The following GNG7 variants were observed in gnomAD, a reference collection of about 807,000 sequenced individuals.
GNG7 encodes the protein G protein subunit gamma 7.
In GNG7, 1 loss-of-function variant was observed where a neutral mutation model predicts 4.0. That is an observed-to-expected ratio of 0.25 (90% CI 0.09 to 1.18). GNG7 has a LOEUF of 1.18. Among genes scored for constraint, GNG7 ranks in the 50% most tolerant of loss-of-function variants. The pLI, the probability that GNG7 is intolerant of heterozygous loss-of-function variation, is 0.50. For synonymous variants in GNG7, 34 were observed against 36.9 expected (o/e 0.92, Z 0.29); for missense variants, 86 against 91.9 (o/e 0.94, Z 0.26).
In GNG7 at chr19:2,532,851, G is replaced by A. The variant is rs1978637913; in HGVS notation, c.-37-12126C>T. ...GGCATCATCCATTACTGACAGGAAT[G>A]TGAAATAGTACAACCACCATGGAAA... On this transcript the variant is annotated intron_variant, in intron 3 of 4. Coordinates refer to ENST00000382159, the MANE Select transcript of GNG7 (RefSeq NM_052847.3). 5.9e-5 allele frequency among the ~76,000 whole-genome samples: 9 copies of A among 152,320 alleles called. No individual in the cohort carries two copies. In the South Asian group the frequency reaches 1.9e-3, roughly 32 times the overall value.
chr19:2,520,527 C>A, intron 4 of GNG7, 81 bp downstream of exon 4: 2 of 754,298 alleles, frequency 2.7e-6, no homozygotes, highest in South Asian at 1.5e-5. Context: ...AGCCTCTGCC[C>A]TCCTGCCGAG....
At chr19:2,565,248 A>C (rs1979865192) in intron 2 of GNG7, among the ~76,000 whole-genome samples, 1 of 152,030 alleles carries the variant, frequency 6.6e-6, no homozygotes, top group African/African-American at 2.4e-5. Flanking sequence ...GCGGTGGCTC[A>C]CACCTGTCAT....
chr19:2,661,796 A>C (rs1983187919), intron 1 of GNG7, among the ~76,000 whole-genome samples: 1 of 152,104 alleles, frequency 6.6e-6, no homozygotes, highest in African/African-American at 2.4e-5. Flanking sequence ...CAACAGCCAC[A>C]TGAGGGCGCC....
rs1913376960 is a variant in GNG7 at position 2,700,546 on chromosome 19, A to G, written c.-135+2100T>C. On this transcript the variant is annotated intron_variant, in intron 1 of 4. Coordinates refer to ENST00000382159, the MANE Select transcript of GNG7 (RefSeq NM_052847.3). The stretch of plus-strand genomic sequence containing the variant: ...GTCACTTCCTTTCCTCTCCTCTGTG[A>G]CAACCCAGTCATCCCACTCCTCCAT... 3 of 152,296 alleles carry G rather than the reference A, an allele frequency of 2.0e-5. No homozygotes were observed. In the South Asian group the frequency reaches 6.2e-4, roughly 32 times the overall value. 9.4% of individuals were successfully genotyped at this position (152,296 alleles called of 1,614,324 possible). A position where few individuals can be genotyped will look rare whatever the true frequency, so the allele number is the denominator to read the frequency against.
chr19:2,662,060 G>C (rs937198009), intron 1 of GNG7, among the ~76,000 whole-genome samples: 6 of 152,088 alleles, frequency 3.9e-5, no homozygotes, highest in Admixed American at 2.6e-4. Flanking sequence ...AGGAGTTTGA[G>C]ACCAGCGTGA....
chr19:2,538,460 CAAAA>C (rs397859757), intron 3 of GNG7: 765 of 178,922 alleles, frequency 4.3e-3, no homozygotes, highest in South Asian at 7.1e-3. Flanking sequence ...CCCGTCTCTG[CAAAA>C]AAAAAAAAAA....
chr19:2,545,948 C>T (rs1979109859), intron 3 of GNG7, among the ~76,000 whole-genome samples: 1 of 144,196 alleles, frequency 6.9e-6, no homozygotes, highest in African/African-American at 2.5e-5. Flanking sequence ...GAGCGAGACT[C>T]TGCCTCAAAA....
chr19:2,595,149 A>G (rs1231808375), intron 2 of GNG7: 1 of 145,582 alleles, frequency 6.9e-6, no homozygotes, highest in Non-Finnish European at 1.5e-5. Context: ...TTTTTTTGAG[A>G]CGGAGTCTCA....
rs1303859049 is a variant in GNG7 at position 2,633,638 on chromosome 19, G to A, written c.-78+12586C>T. 6.6e-6 allele frequency among the ~76,000 whole-genome samples: 1 copy of A among 152,002 alleles called. No individual in the cohort carries two copies. Among genetic ancestry groups the A allele is most frequent in the Non-Finnish European group, 1.5e-5 (1 of 67,988 alleles). On this transcript the variant is annotated intron_variant, in intron 2 of 4. Coordinates refer to ENST00000382159, the MANE Select transcript of GNG7 (RefSeq NM_052847.3). This position sits in a 1 kb window ranked among gnomAD's most constrained non-coding sequence, Gnocchi z 5.9. ...CCTCAATCAGTAGAGTCAGGTGGTCGCAATAACAGCTCTGAAACGGGGATT... is the reference window on the plus strand; with the variant it reads ...CCTCAATCAGTAGAGTCAGGTGGTCACAATAACAGCTCTGAAACGGGGATT...
chr19:2,686,518 G>A (rs11673512), intron 1 of GNG7, among the ~76,000 whole-genome samples: 25,273 of 151,964 alleles, frequency 0.17, 2,427 homozygotes, highest in East Asian at 0.39. Context: ...ACCCCGGCCC[G>A]GTGCCTGCTT....
chr19:2,555,404 T>G (rs1403123485), intron 2 of GNG7, among the ~76,000 whole-genome samples: 1 of 152,160 alleles, frequency 6.6e-6, no homozygotes, highest in Non-Finnish European at 1.5e-5. Context: ...ACCTGGATGC[T>G]TCTCTTGCTG....
intron 2 of GNG7, among the ~76,000 whole-genome samples, chr19:2,624,516 G>C (rs551644278): frequency 7.9e-4 from 106 of 134,436 alleles, no homozygotes; most frequent in African/African-American, 3.0e-3. Flanking sequence ...GGGAGACAGC[G>C]AGACTCCGTC....
At chr19:2,658,972 A>AT (rs35180729) in intron 1 of GNG7, among the ~76,000 whole-genome samples, 11,446 of 143,330 alleles carry the variant, frequency 0.08, 1,378 homozygotes, top group African/African-American at 0.26. Flanking sequence ...AAGCGTTCTG[A>AT]TTTTTTTTTT....
At chr19:2,619,099 TTTGA>T (rs1400621668) in intron 2 of GNG7, among the ~76,000 whole-genome samples, 4 of 152,356 alleles carry the variant, frequency 2.6e-5, no homozygotes, top group Admixed American at 2.6e-4. Flanking sequence ...TGAATACCTA[TTTGA>T]TTGACATTTT....
chr19:2,695,750 C>A (rs1243980330), intron 1 of GNG7, among the ~76,000 whole-genome samples: 2 of 152,118 alleles, frequency 1.3e-5, no homozygotes, highest in African/African-American at 4.8e-5. Flanking sequence ...AGGAAGCTTA[C>A]TAGGAAGGTC....
Position 2,672,235 on chromosome 19 carries a change from A to T in GNG7, c.-134-25955T>A, listed in dbSNP as rs541857684. On this transcript the variant is annotated intron_variant, in intron 1 of 4. Coordinates refer to ENST00000382159, the MANE Select transcript of GNG7 (RefSeq NM_052847.3). ...TTTTCAGTAGAGACAGGGTTTTGCC[A>T]TGTGGGCCAGGCTAACCTCAAGTCA... Among the ~76,000 whole-genome samples, 17 of 151,784 alleles carry T rather than the reference A, an allele frequency of 1.1e-4. 2 individuals are homozygous for T. In the South Asian group the frequency reaches 3.5e-3, roughly 32 times the overall value.
Position 2,577,647 on chromosome 19 carries a change from G to A in GNG7, c.-77-22459C>T, listed in dbSNP as rs530278545. Among the ~76,000 whole-genome samples, 6 of 144,516 alleles carry A rather than the reference G, an allele frequency of 4.2e-5. No individual in the cohort carries two copies. In the East Asian group the frequency reaches 8.2e-4, roughly 20 times the overall value. 94.8% of individuals were successfully genotyped at this position (144,516 alleles called of 152,430 possible). A position where few individuals can be genotyped will look rare whatever the true frequency, so the allele number is the denominator to read the frequency against. The stretch of plus-strand genomic sequence containing the variant: ...AGCCAGGAGGCGGAGGTTGCAGTGA[G>A]CCGAGATCACGCCACTGCACTCCAG... On this transcript the variant is annotated intron_variant, in intron 2 of 4. Transcript: ENST00000382159.
intron 2 of GNG7, among the ~76,000 whole-genome samples, chr19:2,567,081 C>T (rs1979933938): frequency 6.8e-6 from 1 of 147,902 alleles, no homozygotes; most frequent in Non-Finnish European, 1.5e-5. Context: ...GTCCACAGTC[C>T]GGCCTGGGCG....
chr19:2,665,372 G>T (rs1214488379), intron 1 of GNG7, among the ~76,000 whole-genome samples: 13 of 149,132 alleles, frequency 8.7e-5, no homozygotes, highest in Non-Finnish European at 1.5e-4. Context: ...GGGGGGGGGG[G>T]GGCAGGATCA....
Sources: gnomAD v4.1 joint callset for allele counts (sites outside exome capture counted in the v4.1 genomes callset) on GRCh38, gnomAD v4.1.1 for gene constraint, Gnocchi (gnomAD v3.1) non-coding constraint, MANE v1.5 for transcripts, NCBI Gene and HGNC (gene_info 2026-07-23, HGNC 2026-07-21) for gene names.